The following MAPDA variants were observed in gnomAD, a reference collection of about 807,000 sequenced individuals.
MAPDA encodes the protein N6-Methyl-AMP deaminase, also known as N6,N6-dimethyl-AMP deaminase.
At chr15:43,330,680 T>C in the MAPDA span, 2 of 555,564 alleles carry the variant, frequency 3.6e-6, no homozygotes, top group East Asian at 6.5e-5. Flanking sequence ...GTGTAGCCAG[T>C]GCTAAGTTCG....
the MAPDA span, chr15:43,331,904 A>C: frequency 1.3e-5 from 2 of 152,230 alleles, no homozygotes; most frequent in Non-Finnish European, 2.9e-5. Context: ...TTTCAGGTGG[A>C]AGCAAATACT....
the MAPDA span, chr15:43,332,453 A>G: frequency 7.2e-5 from 11 of 152,200 alleles, no homozygotes; most frequent in African/African-American, 2.4e-4. Context: ...ATTTAATGAC[A>G]GGTTCCTAAA....
the MAPDA span, chr15:43,348,986 C>T: frequency 6.2e-7 from 1 of 1,614,060 alleles, no homozygotes; most frequent in South Asian, 1.1e-5. Context: ...TTTCTCAACT[C>T]CGGTGAGGGA....
At chr15:43,330,815 A>G in the MAPDA span, 3 of 252,940 alleles carry the variant, frequency 1.2e-5, no homozygotes, top group East Asian at 7.4e-5. Context: ...TCCAGTCAAA[A>G]GGGAAACCTT....
chr15:43,335,461 G>T, the MAPDA span, among the ~76,000 whole-genome samples: 2 of 152,132 alleles, frequency 1.3e-5, no homozygotes, highest in African/African-American at 4.8e-5. Context: ...TTGAACCCAG[G>T]AATCGGAGGT....
the MAPDA span, chr15:43,335,954 T>G: frequency 3.5e-5 from 40 of 1,135,396 alleles, 1 homozygote; most frequent in South Asian, 6.4e-4. Context: ...GGAGCATATA[T>G]CTTAACATAC....
At chr15:43,345,763 C>T in the MAPDA span, 671 of 1,475,604 alleles carry the variant, frequency 4.5e-4, no homozygotes, top group Non-Finnish European at 5.7e-4. Flanking sequence ...ATGTATTACA[C>T]GTAGTCTGCC....
At chr15:43,337,464 A>C in the MAPDA span, among the ~76,000 whole-genome samples, 1 of 152,166 alleles carries the variant, frequency 6.6e-6, no homozygotes, top group African/African-American at 2.4e-5. Context: ...TGAGGGCACA[A>C]AGGATACCAC....
At chr15:43,351,014 C>G in the MAPDA span, 1 of 1,551,580 alleles carries the variant, frequency 6.4e-7, no homozygotes, top group Non-Finnish European at 8.7e-7. Flanking sequence ...GATTCTGGTA[C>G]AGCATTGCCC....
At chr15:43,341,815 T>C in the MAPDA span, among the ~76,000 whole-genome samples, 1 of 152,156 alleles carries the variant, frequency 6.6e-6, no homozygotes, top group Non-Finnish European at 1.5e-5. Context: ...AAACAGTAGT[T>C]ATCTCTGGGT....
At chr15:43,342,954 GATGA>G in the MAPDA span, 1 of 1,405,958 alleles carries the variant, frequency 7.1e-7, no homozygotes, top group Non-Finnish European at 9.8e-7. Context: ...TGAAATAGTT[GATGA>G]TCTCTTTACA....
the MAPDA span, chr15:43,330,444 T>C: frequency 4.5e-6 from 7 of 1,543,572 alleles, no homozygotes; most frequent in African/African-American, 1.4e-5. Context: ...CTGTCGTTGG[T>C]GTTCTGTACC....
the MAPDA span, chr15:43,335,883 T>C: frequency 1.4e-5 from 22 of 1,570,684 alleles, no homozygotes; most frequent in African/African-American, 2.7e-4. Flanking sequence ...TATTTTGAGA[T>C]TGTAAGTAGT....
the MAPDA span, chr15:43,332,437 A>G: frequency 6.6e-6 from 1 of 152,220 alleles, no homozygotes; most frequent in Non-Finnish European, 1.5e-5. Flanking sequence ...CCATAGAAAC[A>G]AATTTATTTA....
the MAPDA span, chr15:43,346,941 T>G: frequency 9.0e-7 from 1 of 1,114,240 alleles, no homozygotes; most frequent in Non-Finnish European, 1.3e-6. Flanking sequence ...TTATGTTGTT[T>G]ATTGGAATGG....
the MAPDA span, among the ~76,000 whole-genome samples, chr15:43,341,168 T>G: frequency 0.011 from 1,683 of 152,314 alleles, 12 homozygotes; most frequent in Middle Eastern, 0.024. Context: ...TGTTTCCTGA[T>G]ATATGTAGCT....
the MAPDA span, among the ~76,000 whole-genome samples, chr15:43,338,974 C>T: frequency 2.0e-5 from 3 of 152,228 alleles, no homozygotes; most frequent in Non-Finnish European, 2.9e-5. Flanking sequence ...TCACTTCAAC[C>T]GTATTCCTCG....
At chr15:43,340,956 G>C in the MAPDA span, among the ~76,000 whole-genome samples, 1 of 152,212 alleles carries the variant, frequency 6.6e-6, no homozygotes, top group Non-Finnish European at 1.5e-5. Context: ...TTACTAAAAT[G>C]TAGGTTATTC....
the MAPDA span, chr15:43,343,162 T>A: frequency 2.2e-6 from 2 of 929,620 alleles, no homozygotes; most frequent in Non-Finnish European, 3.1e-6. Context: ...ATGGATTTTT[T>A]AAAATTAATC....
Sources: gnomAD v4.1 joint callset for allele counts (sites outside exome capture counted in the v4.1 genomes callset) on GRCh38, gnomAD v4.1.1 for gene constraint, MANE v1.5 for transcripts, NCBI Gene and HGNC (gene_info 2026-07-23, HGNC 2026-07-21) for gene names.